The following WDR93 variants were observed in gnomAD, a reference collection of about 807,000 sequenced individuals.
WDR93 encodes WD repeat domain 93, also known as WD repeat-containing protein 93.
A neutral mutation model predicts 82.9 loss-of-function variants in WDR93; 73 were observed. The observed-to-expected ratio is 0.88, with a 90% CI of 0.73 to 1.07. WDR93 has a LOEUF of 1.07. WDR93 is among the 50% of genes least tolerant of loss of function. The pLI is 0.00. For synonymous variants in WDR93, 283 were observed against 300.1 expected (o/e 0.94, Z 0.59); for missense variants, 738 against 826.0 (o/e 0.89, Z 1.31).
At chr15:89,728,302 G>A (rs1249577192) in intron 9 of WDR93, among the ~76,000 whole-genome samples, 1 of 152,110 alleles carries the variant, frequency 6.6e-6, no homozygotes, top group Admixed American at 6.5e-5. Flanking sequence ...TATCAATGAG[G>A]GAGCTGGTTT....
intron 7 of WDR93, among the ~76,000 whole-genome samples, chr15:89,717,559 T>A (rs1265506235): frequency 1.3e-5 from 2 of 152,196 alleles, no homozygotes; most frequent in African/African-American, 4.8e-5. Context: ...GAGCTTAAAT[T>A]TCAGGGCCCC....
chr15:89,721,962 C>T (rs939711516), intron 7 of WDR93, 93 bp from the exon 8 acceptor site: 5 of 855,940 alleles, frequency 5.8e-6, no homozygotes, highest in African/African-American at 1.8e-5. Flanking sequence ...TCTTTTTCCC[C>T]TTCTTTTCCA....
In WDR93 at chr15:89,695,364, C is replaced by T. The variant is rs563935155; in HGVS notation, c.-41+4507C>T. Among the ~76,000 whole-genome samples, 24 of 152,214 alleles carry T rather than the reference C, an allele frequency of 1.6e-4. No homozygotes were observed. In the East Asian group the frequency reaches 3.9e-3, roughly 24 times the overall value. On this transcript the variant is annotated intron_variant, in intron 1 of 16. Transcript: ENST00000268130. ...TGGGTGTTTTTTAGAGAGGGAGTTTCGCTGTATTGCCCAAACTGGAGTGCA... is the reference window on the plus strand; with the variant it reads ...TGGGTGTTTTTTAGAGAGGGAGTTTTGCTGTATTGCCCAAACTGGAGTGCA...
In WDR93 at chr15:89,696,801, C is replaced by G. The variant is rs554774823; in HGVS notation, c.-40-4906C>G. ...AGTTTTAATACTCCTAGGGTAGATA[C>G]TCAGGAATGGGATTGCTGGGTCATA... On this transcript the variant is annotated intron_variant, in intron 1 of 16. Transcript: ENST00000268130. Among the ~76,000 whole-genome samples the G allele has an allele frequency of 2.0e-5, 3 of 151,794 alleles. No individual in the cohort carries two copies. In the East Asian group the frequency reaches 5.9e-4, roughly 30 times the overall value.
chr15:89,718,340 G>A (rs865804122), intron 7 of WDR93, among the ~76,000 whole-genome samples: 1 of 152,178 alleles, frequency 6.6e-6, no homozygotes, highest in South Asian at 2.1e-4. Flanking sequence ...CGGATGTGGT[G>A]GCGTGTGCCT....
chr15:89,719,350 C>G (rs1966413515), intron 7 of WDR93, among the ~76,000 whole-genome samples: 1 of 152,202 alleles, frequency 6.6e-6, no homozygotes, highest in South Asian at 2.1e-4. Context: ...CCATCTAGTC[C>G]TGGAGCTTTC....
intron 1 of WDR93, among the ~76,000 whole-genome samples, chr15:89,693,041 T>G (rs1052998694): frequency 5.9e-5 from 9 of 152,260 alleles, no homozygotes; most frequent in African/African-American, 1.9e-4. Context: ...ATCTATGTTG[T>G]GCACATCAGT....
chr15:89,698,033 C>A (rs1965272463), intron 1 of WDR93, among the ~76,000 whole-genome samples: 1 of 151,792 alleles, frequency 6.6e-6, no homozygotes, highest in South Asian at 2.1e-4. Context: ...GCGCCTACCA[C>A]CACGCCCGGC....
chr15:89,693,267 T>G (rs1964992406), intron 1 of WDR93, among the ~76,000 whole-genome samples: 1 of 152,212 alleles, frequency 6.6e-6, no homozygotes, highest in Non-Finnish European at 1.5e-5. Context: ...TTTAACTTTG[T>G]AAGAAACTGC....
chr15:89,718,450 G>C (rs1382368712), intron 7 of WDR93, among the ~76,000 whole-genome samples: 1 of 151,702 alleles, frequency 6.6e-6, no homozygotes, highest in African/African-American at 2.4e-5. Context: ...CTCCAGCCTG[G>C]GAGACAGCTG....
chr15:89,729,263 C>T (rs1045632438), intron 10 of WDR93, among the ~76,000 whole-genome samples, 170 bp downstream of exon 10: 2 of 152,012 alleles, frequency 1.3e-5, no homozygotes, highest in African/African-American at 4.8e-5. Flanking sequence ...CATCTGTGGC[C>T]CCTGAGCACA....
intron 4 of WDR93, 108 bp downstream of exon 4, chr15:89,705,726 A>G: frequency 1.3e-6 from 1 of 777,502 alleles, no homozygotes; most frequent in South Asian, 1.6e-5. Flanking sequence ...AGAAATAGAG[A>G]CCTCCATGGC....
intron 5 of WDR93, among the ~76,000 whole-genome samples, chr15:89,712,614 T>C (rs891426821): frequency 6.6e-6 from 1 of 151,974 alleles, no homozygotes; most frequent in East Asian, 1.9e-4. Context: ...GGTTAAGGAT[T>C]TGGGGGAAGA....
chr15:89,694,326 CTGGT>C (rs1291887216), intron 1 of WDR93, among the ~76,000 whole-genome samples: 3 of 149,616 alleles, frequency 2.0e-5, no homozygotes, highest in African/African-American at 7.4e-5. Flanking sequence ...TCTCGGCTCA[CTGGT>C]TTCACACCAT....
In WDR93 at chr15:89,703,107, G is replaced by A; in HGVS notation, c.461G>A (p.Gly154Glu). 7 of 1,614,044 alleles carry A rather than the reference G, an allele frequency of 4.3e-6. No homozygotes were observed. Among genetic ancestry groups the A allele is most frequent in the Non-Finnish European group, 4.2e-6 (5 of 1,180,010 alleles). ...DVTSIWATDL[G>E]NEILIAPVDE... ...ACTTCCATCTGGGCCACAGATTTAG[G>A]GAATGAAATACTCATTGCTCCTGTG... is the stretch of plus-strand genomic sequence containing the variant. The change falls in exon 3 of 17, where the codon GGG becomes GAG. Residue 154 changes from glycine to glutamate, a missense_variant. Coordinates refer to ENST00000268130, the MANE Select transcript of WDR93 (RefSeq NM_020212.2).
At chr15:89,703,464 G>A (rs893628526) in intron 3 of WDR93, 1 of 369,268 alleles carries the variant, frequency 2.7e-6, no homozygotes, top group Admixed American at 4.2e-5. Context: ...CAGGCAGTAT[G>A]GCCCTGGAGT....
chr15:89,737,990 C>T, intron 15 of WDR93, 51 bp from the exon 16 acceptor site: 1 of 1,545,050 alleles, frequency 6.5e-7, no homozygotes. Context: ...CCACAGAGCC[C>T]ACTGAGAAAG....
intron 7 of WDR93, among the ~76,000 whole-genome samples, chr15:89,717,542 G>C (rs925939219): frequency 4.6e-5 from 7 of 152,216 alleles, no homozygotes; most frequent in African/African-American, 1.7e-4. Flanking sequence ...TTTACCTGAA[G>C]TTAAGGGAGC....
At chr15:89,739,855 G>A (rs781646819) in intron 16 of WDR93, among the ~76,000 whole-genome samples, 1 of 151,908 alleles carries the variant, frequency 6.6e-6, no homozygotes, top group Non-Finnish European at 1.5e-5. Context: ...TCAGGGAAGA[G>A]TCACTTCACG....
Sources: gnomAD v4.1 joint callset for allele counts (sites outside exome capture counted in the v4.1 genomes callset) on GRCh38, gnomAD v4.1.1 for gene constraint, MANE v1.5 for transcripts, NCBI Gene and HGNC (gene_info 2026-07-23, HGNC 2026-07-21) for gene names.